CNTN5: variants seen among roughly 807,000 people sequenced by gnomAD.
CNTN5 encodes contactin-5.
Under a neutral mutation model 129.1 loss-of-function variants are expected in CNTN5, and 77 were observed. The observed-to-expected ratio is 0.60, with a 90% CI of 0.50 to 0.72. The LOEUF (loss-of-function observed/expected upper bound fraction) is 0.72. CNTN5 is among the 30% of genes least tolerant of loss of function. CNTN5 has a pLI of 0.00. For missense variants in CNTN5, 1,478 were observed against 1,328.8 expected (o/e 1.11, Z -1.75); for synonymous variants, 509 against 465.6 (o/e 1.09, Z -1.20).
intron 18 of CNTN5, among the ~76,000 whole-genome samples, chr11:100,274,468 C>T (rs1052848955): frequency 6.6e-6 from 1 of 152,092 alleles, no homozygotes; most frequent in Non-Finnish European, 1.5e-5. Context: ...TTTGCAAACT[C>T]TATATCTGAT....
At chr11:99,029,584 G>A (rs1396188044) in intron 1 of CNTN5, among the ~76,000 whole-genome samples, 1 of 152,034 alleles carries the variant, frequency 6.6e-6, no homozygotes, top group African/African-American at 2.4e-5. Flanking sequence ...TCAGTTGGTG[G>A]GAAGAGAGGC....
chr11:99,294,320 G>A (rs1864294027), intron 1 of CNTN5, among the ~76,000 whole-genome samples: 2 of 152,102 alleles, frequency 1.3e-5, no homozygotes, highest in South Asian at 2.1e-4. Context: ...ATTAGTGAAG[G>A]TGCAGTATAC....
At chr11:99,791,924 A>G (rs560730872) in intron 3 of CNTN5, among the ~76,000 whole-genome samples, 1 of 152,260 alleles carries the variant, frequency 6.6e-6, no homozygotes, top group South Asian at 2.1e-4. Flanking sequence ...GTTGATGTAT[A>G]GGAATGTTAC....
At chr11:100,254,300 G>T (rs1264576509) in intron 16 of CNTN5, among the ~76,000 whole-genome samples, 1 of 151,818 alleles carries the variant, frequency 6.6e-6, no homozygotes, top group South Asian at 2.1e-4. Context: ...CTAATTTCCC[G>T]CAATCACCCT....
chr11:99,055,048 C>T (rs1053355635), intron 1 of CNTN5, among the ~76,000 whole-genome samples: 1 of 151,868 alleles, frequency 6.6e-6, no homozygotes, highest in African/African-American at 2.4e-5. Context: ...TATTTCTATG[C>T]CCTATTCCCA....
rs1317928900 is a variant in CNTN5 at position 99,155,435 on chromosome 11, G to C, written c.-210+134165G>C. Among the ~76,000 whole-genome samples the C allele has an allele frequency of 2.0e-5, 3 of 152,138 alleles. No individual in the cohort carries two copies. In the East Asian group the frequency reaches 5.8e-4, roughly 29 times the overall value. On this transcript the variant is annotated intron_variant, in intron 1 of 24. Coordinates refer to ENST00000524871, the MANE Select transcript of CNTN5 (RefSeq NM_014361.4). ...AGATAACACAACTACACGCTTTGCT[G>C]TTTGTATGTGAACTAACAGATGTGC...
chr11:99,535,593 G>T (rs1947871467), intron 2 of CNTN5, among the ~76,000 whole-genome samples: 1 of 152,170 alleles, frequency 6.6e-6, no homozygotes, highest in Non-Finnish European at 1.5e-5. Context: ...TGTCTTAAAA[G>T]CTCCTCAGGG....
chr11:99,265,106 C>T (rs1460894016), intron 1 of CNTN5, among the ~76,000 whole-genome samples: 1 of 151,720 alleles, frequency 6.6e-6, no homozygotes, highest in African/African-American at 2.4e-5. Context: ...GAATGATACA[C>T]TAACTTTGCT....
At chr11:99,738,087 G>T (rs1943768855) in intron 3 of CNTN5, among the ~76,000 whole-genome samples, 1 of 152,094 alleles carries the variant, frequency 6.6e-6, no homozygotes, top group African/African-American at 2.4e-5. Context: ...ACACAAATTA[G>T]TTTAGATGGT....
intron 3 of CNTN5, among the ~76,000 whole-genome samples, chr11:99,735,106 G>GTATT (rs1438246683): frequency 6.6e-6 from 1 of 152,138 alleles, no homozygotes; most frequent in Non-Finnish European, 1.5e-5. Context: ...TTTTCTACAT[G>GTATT]TATTATTCGT....
At chr11:100,013,556 CCAA>C (rs1299991892) in intron 9 of CNTN5, among the ~76,000 whole-genome samples, 1 of 152,248 alleles carries the variant, frequency 6.6e-6, no homozygotes, top group East Asian at 1.9e-4. Flanking sequence ...CACTCAGATT[CCAA>C]CAACATCTCT....
chr11:99,094,828 A>C (rs1565312610), intron 1 of CNTN5, among the ~76,000 whole-genome samples: 1 of 151,922 alleles, frequency 6.6e-6, no homozygotes, highest in Non-Finnish European at 1.5e-5. Flanking sequence ...CAAGAGATAC[A>C]GCAGTCATTA....
At chr11:99,740,530 G>A (rs1943855207) in intron 3 of CNTN5, among the ~76,000 whole-genome samples, 2 of 152,172 alleles carry the variant, frequency 1.3e-5, no homozygotes, top group Admixed American at 6.5e-5. Flanking sequence ...GAGACTGTGT[G>A]TGTTAGGTCT....
intron 3 of CNTN5, among the ~76,000 whole-genome samples, chr11:99,746,250 G>A (rs1944052620): frequency 6.6e-6 from 1 of 151,998 alleles, no homozygotes; most frequent in African/African-American, 2.4e-5. Flanking sequence ...TTTGATTTTT[G>A]TATATAGTGT....
intron 4 of CNTN5, among the ~76,000 whole-genome samples, chr11:99,832,442 A>T (rs778364467): frequency 1.2e-4 from 16 of 137,014 alleles, no homozygotes; most frequent in Non-Finnish European, 2.1e-4. Flanking sequence ...ATTAGACTTT[A>T]ACTTATGTTG....
chr11:100,023,162 C>T (rs564917944), intron 9 of CNTN5, among the ~76,000 whole-genome samples: 5 of 152,222 alleles, frequency 3.3e-5, no homozygotes, highest in Non-Finnish European at 5.9e-5. Flanking sequence ...CACTGTTCAA[C>T]GATGCTGTGA....
At chr11:99,669,441 GGTGTGTGTGTGT>G (rs767426378) in intron 3 of CNTN5, among the ~76,000 whole-genome samples, 1 of 105,926 alleles carries the variant, frequency 9.4e-6, no homozygotes, top group African/African-American at 3.4e-5. Flanking sequence ...TATTAAATAT[GGTGTGTGTGTGT>G]GTGTGTGTGT....
chr11:99,094,279 C>T (rs1866379272), intron 1 of CNTN5, among the ~76,000 whole-genome samples: 1 of 151,920 alleles, frequency 6.6e-6, no homozygotes, highest in Non-Finnish European at 1.5e-5. Context: ...GTTAGTAGTA[C>T]TACCCATGTA....
At chr11:99,436,641 C>A (rs1337513126) in intron 2 of CNTN5, among the ~76,000 whole-genome samples, 1 of 152,118 alleles carries the variant, frequency 6.6e-6, no homozygotes, top group Non-Finnish European at 1.5e-5. Context: ...TTACTATCAC[C>A]TCCAGATTAC....
Sources: allele counts gnomAD v4.1 joint callset (sites outside exome capture counted in the v4.1 genomes callset), GRCh38; gene constraint gnomAD v4.1.1; transcripts MANE v1.5; gene names NCBI Gene and HGNC (gene_info 2026-07-23, HGNC 2026-07-21).